Variants in CTIF observed in about 807,000 individuals in gnomAD.
CTIF encodes cap binding complex dependent translation initiation factor.
A neutral mutation model predicts 66.0 loss-of-function variants in CTIF; 21 were observed. That is an observed-to-expected ratio of 0.32 (90% confidence interval 0.23 to 0.46). The LOEUF (loss-of-function observed/expected upper bound fraction) is 0.46, where lower values mean the gene tolerates loss of function less well. Ranked by LOEUF, CTIF falls within the 20% of genes least tolerant of loss-of-function variation. The probability of loss-of-function intolerance (pLI) is 1.00; values close to 1 mark genes in which losing one functional copy is unlikely to be tolerated. For synonymous variants in CTIF, 345 were observed against 326.4 expected, an observed-to-expected ratio of 1.06 and a Z score of -0.62; for missense variants, 739 against 812.7, an observed-to-expected ratio of 0.91 and a Z score of 1.10.
intron 9 of CTIF, among the ~76,000 whole-genome samples, chr18:48,802,807 C>T (rs540706975): frequency 3.9e-5 from 6 of 152,232 alleles, no homozygotes; most frequent in Admixed American, 6.5e-5. Context: ...GTGGTACTAA[C>T]GTCCTCCCTG....
chr18:48,574,322 C>T (rs2089483379), intron 1 of CTIF, among the ~76,000 whole-genome samples: 1 of 152,230 alleles, frequency 6.6e-6, no homozygotes, highest in Admixed American at 6.5e-5. Context: ...TCCCTCTCCC[C>T]CAGTTCTTTG....
intron 3 of CTIF, among the ~76,000 whole-genome samples, chr18:48,643,755 G>T (rs2090975358): frequency 6.6e-6 from 1 of 152,104 alleles, no homozygotes; most frequent in African/African-American, 2.4e-5. Flanking sequence ...TGCTGCTGAG[G>T]CCTTCATTTT....
In CTIF at chr18:48,768,684, A is replaced by C. The variant is rs528935660; in HGVS notation, c.1371+6995A>C. Among the ~76,000 whole-genome samples, 8 of 152,272 alleles carry C rather than the reference A, an allele frequency of 5.3e-5. No homozygotes were observed. The East Asian group carries it at 1.5e-3, about 29-fold the overall frequency. Reference sequence around the variant, plus strand: ...CAGCACTTTGCAAGGCCAAGGCAGGAGGATTGCTTGAGGCCAGGAGTTTGA... The same window carrying C: ...CAGCACTTTGCAAGGCCAAGGCAGGCGGATTGCTTGAGGCCAGGAGTTTGA... On this transcript the variant is annotated intron_variant, in intron 9 of 11. Transcript: ENST00000256413.
intron 10 of CTIF, among the ~76,000 whole-genome samples, chr18:48,824,512 G>A (rs1013805688): frequency 6.6e-6 from 1 of 152,020 alleles, no homozygotes. Flanking sequence ...GTGATCCCGT[G>A]GTGTTGTTGT....
rs148597757 is a variant in CTIF at position 48,556,137 on chromosome 18, C to T, written c.-29+16825C>T. The stretch of plus-strand genomic sequence containing the variant: ...TGTCTGTCCTGAGCTGCCTGCACAT[C>T]GATCTGATCGTGAAGGGTGGGTGGT... On this transcript the variant is annotated intron_variant, in intron 1 of 11. Coordinates refer to ENST00000256413, the MANE Select transcript of CTIF (RefSeq NM_014772.3). Among the ~76,000 whole-genome samples the T allele has an allele frequency of 5.0e-3, 768 of 152,252 alleles. 6 individuals are homozygous for T. Among genetic ancestry groups the T allele is most frequent in the African/African-American group, 0.015 (639 of 41,544 alleles).
chr18:48,771,810 C>T (rs1480474172), intron 9 of CTIF, among the ~76,000 whole-genome samples: 4 of 152,354 alleles, frequency 2.6e-5, no homozygotes, highest in Non-Finnish European at 4.4e-5. Context: ...TGTGAGCGGC[C>T]GGCCCCCAGC....
chr18:48,591,299 C>T (rs1232501459), intron 1 of CTIF, among the ~76,000 whole-genome samples: 2 of 152,170 alleles, frequency 1.3e-5, no homozygotes, highest in Non-Finnish European at 2.9e-5. Context: ...GATGGGCCAC[C>T]CTCTGATGTG....
intron 6 of CTIF, among the ~76,000 whole-genome samples, chr18:48,673,963 T>C (rs1248122335): frequency 2.9e-4 from 44 of 152,174 alleles, no homozygotes; most frequent in Non-Finnish European, 5.7e-4. Flanking sequence ...TCAGAGCCCA[T>C]TGGACAGAAC....
chr18:48,731,823 C>T (rs1227490002), intron 7 of CTIF, among the ~76,000 whole-genome samples: 1 of 152,182 alleles, frequency 6.6e-6, no homozygotes, highest in African/African-American at 2.4e-5. Context: ...TAGGGGTCAG[C>T]AAAGTTTTCT....
At chr18:48,613,987 G>A (rs2090353875) in intron 1 of CTIF, among the ~76,000 whole-genome samples, 2 of 152,232 alleles carry the variant, frequency 1.3e-5, no homozygotes, top group Non-Finnish European at 2.9e-5. Flanking sequence ...TCACCTGGCA[G>A]GGAATCGGAG....
intron 9 of CTIF, among the ~76,000 whole-genome samples, chr18:48,768,495 T>C (rs1164252450): frequency 1.3e-5 from 2 of 152,058 alleles, no homozygotes; most frequent in African/African-American, 4.8e-5. Flanking sequence ...GGCTTATACA[T>C]GGGGAAAGTG....
rs574229478 is a variant in CTIF, at chr18:48,594,060, G to GC, written c.-28-25471dup. On this transcript the variant is annotated intron_variant, in intron 1 of 11. Coordinates refer to ENST00000256413, the MANE Select transcript of CTIF (RefSeq NM_014772.3). ...CCACAGATCCCTCCTATGAACACAA[G>GC]CCCCCCCTCCTATCTGCCCCCTTCC... is the stretch of plus-strand genomic sequence containing the variant. 2.0e-4 allele frequency among the ~76,000 whole-genome samples: 31 copies of GC among 151,480 alleles called. 1 individual carries two copies. In the South Asian group the frequency reaches 2.5e-3, roughly 12 times the overall value.
chr18:48,648,097 C>T (rs949199927), intron 3 of CTIF, among the ~76,000 whole-genome samples: 1 of 152,098 alleles, frequency 6.6e-6, no homozygotes, highest in Non-Finnish European at 1.5e-5. Flanking sequence ...GTGGCCCTGT[C>T]CAGGACAGGC....
rs562826054 is a variant in CTIF at position 48,758,819 on chromosome 18, T to G, written c.1071+414T>G. On this transcript the variant is annotated intron_variant, in intron 8 of 11. Transcript: ENST00000256413. ...TATGAAATAAGAACTGAAGCTTTTC[T>G]ACAGGTGAGTACCATCCAGGCAGTG... is the stretch of plus-strand genomic sequence containing the variant. 2.6e-5 allele frequency among the ~76,000 whole-genome samples: 4 copies of G among 152,300 alleles called. No homozygotes were observed. The South Asian group carries it at 8.3e-4, about 32-fold the overall frequency.
intron 1 of CTIF, among the ~76,000 whole-genome samples, chr18:48,548,792 C>T (rs926589904): frequency 6.6e-6 from 1 of 152,230 alleles, no homozygotes; most frequent in Non-Finnish European, 1.5e-5. Context: ...TTAGTGGACA[C>T]ACATGGTATC....
chr18:48,654,448 G>A (rs902238596), intron 3 of CTIF, among the ~76,000 whole-genome samples: 12 of 152,198 alleles, frequency 7.9e-5, no homozygotes, highest in African/African-American at 2.9e-4. Context: ...CAGTTAGAAT[G>A]ACAATCATTA....
chr18:48,595,493 C>T (rs2089972982), intron 1 of CTIF, among the ~76,000 whole-genome samples: 1 of 152,066 alleles, frequency 6.6e-6, no homozygotes, highest in Non-Finnish European at 1.5e-5. Flanking sequence ...GTGGTGTGAT[C>T]ACAGCTCACT....
chr18:48,736,769 G>A (rs1158114766), intron 7 of CTIF, among the ~76,000 whole-genome samples: 1 of 152,180 alleles, frequency 6.6e-6, no homozygotes, highest in African/African-American at 2.4e-5. Context: ...TGGGGAAGCT[G>A]ACATTGGCCC....
intron 6 of CTIF, among the ~76,000 whole-genome samples, chr18:48,688,729 G>A (rs985503302): frequency 1.3e-5 from 2 of 152,186 alleles, no homozygotes; most frequent in Non-Finnish European, 2.9e-5. Context: ...TAATGAATCC[G>A]AATGATTGGT....
Sources: allele counts gnomAD v4.1 joint callset (sites outside exome capture counted in the v4.1 genomes callset), GRCh38; gene constraint gnomAD v4.1.1; transcripts MANE v1.5; gene names NCBI Gene and HGNC (gene_info 2026-07-23, HGNC 2026-07-21).